The following SND1 variants were observed in gnomAD, a reference collection of about 807,000 sequenced individuals.
The protein encoded by SND1 is staphylococcal nuclease domain-containing protein 1.
SND1 carries 38 observed loss-of-function variants against 121.7 expected under a neutral mutation model. The ratio of observed to expected loss-of-function variants is 0.31; its 90% confidence interval spans 0.24 to 0.41. The LOEUF is 0.41. Ranked by LOEUF, SND1 falls within the 10% of genes least tolerant of loss-of-function variation. The pLI, the probability that SND1 is intolerant of heterozygous loss-of-function variation, is 1.00. For synonymous variants in SND1, 401 were observed against 447.4 expected, an observed-to-expected ratio of 0.90 and a Z score of 1.31; for missense variants, 868 against 1,184.6, an observed-to-expected ratio of 0.73 and a Z score of 3.92.
chr7:127,881,637 G>A (rs1393406307), intron 12 of SND1, among the ~76,000 whole-genome samples: 1 of 152,150 alleles, frequency 6.6e-6, no homozygotes, highest in Admixed American at 6.5e-5. Flanking sequence ...ACAGGCAAAT[G>A]CAAAACACAC....
At chr7:127,915,773 G>T (rs1036352126) in intron 14 of SND1, among the ~76,000 whole-genome samples, 3 of 152,228 alleles carry the variant, frequency 2.0e-5, no homozygotes, top group Admixed American at 2.0e-4. Flanking sequence ...AGAAGATCTT[G>T]TTCAGGGCCA....
At chr7:127,984,222 A>G (rs1802331873) in intron 15 of SND1, among the ~76,000 whole-genome samples, 1 of 152,218 alleles carries the variant, frequency 6.6e-6, no homozygotes. Context: ...GTCAGAAGCT[A>G]AACATTTCTG....
intron 16 of SND1, among the ~76,000 whole-genome samples, chr7:128,020,178 T>C (rs1803313345): frequency 6.6e-6 from 1 of 152,250 alleles, no homozygotes; most frequent in Non-Finnish European, 1.5e-5. Flanking sequence ...GAAAGTTGCC[T>C]GATTTCTCAG....
At chr7:127,785,457 G>C (rs1344268710) in intron 10 of SND1, among the ~76,000 whole-genome samples, 1 of 152,190 alleles carries the variant, frequency 6.6e-6, no homozygotes, top group Non-Finnish European at 1.5e-5. Context: ...GAGTTTATTA[G>C]TGGTGAGATG....
chr7:127,896,596 GCCCTTTCATGGAA>G (rs151310328), intron 13 of SND1, among the ~76,000 whole-genome samples: 3,471 of 152,242 alleles, frequency 0.023, 140 homozygotes, highest in African/African-American at 0.079. Context: ...CAAAGTGTAT[GCCCTTTCATGGAA>G]GATTGATCAT....
chr7:127,835,312 T>C (rs1364795193), intron 11 of SND1, among the ~76,000 whole-genome samples: 1 of 152,150 alleles, frequency 6.6e-6, no homozygotes, highest in East Asian at 1.9e-4. Flanking sequence ...CCATGTAAAA[T>C]TTGTGCTGCT....
Position 127,994,577 on chromosome 7 carries a change from A to G in SND1, c.1779+3521A>G, listed in dbSNP as rs986936354. On this transcript the variant is annotated intron_variant, in intron 16 of 23. Coordinates refer to ENST00000354725, the MANE Select transcript of SND1 (RefSeq NM_014390.4). ...AAAAAAAAAAAAAAAAAAAAAAAAA[A>G]AAAAAAAACAGTAAATTCAGTCTTT... Among the ~76,000 whole-genome samples, 115 of 141,394 alleles carry G rather than the reference A, an allele frequency of 8.1e-4. 1 individual carries two copies. Among genetic ancestry groups the G allele is most frequent in the Middle Eastern group, 3.6e-3 (1 of 278 alleles). The allele number at this position is 141,394 out of a possible 152,430, so 92.8% of individuals were successfully genotyped here.
intron 14 of SND1, among the ~76,000 whole-genome samples, chr7:127,921,140 A>T (rs1027484594): frequency 2.0e-5 from 3 of 152,198 alleles, no homozygotes; most frequent in Admixed American, 1.3e-4. Context: ...CAAGGTAGAA[A>T]AGAAATGTCA....
intron 12 of SND1, among the ~76,000 whole-genome samples, chr7:127,868,556 C>T (rs1196967211): frequency 6.6e-5 from 10 of 152,208 alleles, no homozygotes; most frequent in East Asian, 1.9e-4. Context: ...GGCTAAGGTC[C>T]GAAACACAGA....
At chr7:128,038,567 T>A (rs1418587665) in intron 16 of SND1, among the ~76,000 whole-genome samples, 1 of 152,228 alleles carries the variant, frequency 6.6e-6, no homozygotes, top group Non-Finnish European at 1.5e-5. Flanking sequence ...AGTCAGTTAC[T>A]GAGGGGATTC....
At chr7:127,726,232 G>C (rs989754083) in intron 10 of SND1, among the ~76,000 whole-genome samples, 1 of 152,158 alleles carries the variant, frequency 6.6e-6, no homozygotes, top group Non-Finnish European at 1.5e-5. Flanking sequence ...GTTGGAGCTT[G>C]GTTTGTTCCT....
intron 15 of SND1, among the ~76,000 whole-genome samples, chr7:127,945,536 T>C (rs1801311696): frequency 1.3e-5 from 2 of 151,992 alleles, no homozygotes; most frequent in Admixed American, 6.6e-5. Context: ...ACCCTACAGT[T>C]TCCATAGAGA....
chr7:127,755,550 A>G (rs1319972887), intron 10 of SND1, among the ~76,000 whole-genome samples: 1 of 152,248 alleles, frequency 6.6e-6, no homozygotes, highest in African/African-American at 2.4e-5. Context: ...AATTCTGCTG[A>G]TGCTGGGCAG....
At chr7:127,857,727 T>A (rs1031514594) in intron 12 of SND1, 2 of 606,140 alleles carry the variant, frequency 3.3e-6, no homozygotes, top group African/African-American at 3.7e-5. Context: ...CTAAAGGCTT[T>A]TATTGGGAAA....
At chr7:128,089,344 G>A (rs1367549368) in intron 21 of SND1, 145 bp from the exon 22 acceptor site, 15 of 721,590 alleles carry the variant, frequency 2.1e-5, no homozygotes, top group African/African-American at 1.6e-4. Flanking sequence ...ATGAGCCACC[G>A]TGCCTGGCCA....
intron 4 of SND1, among the ~76,000 whole-genome samples, chr7:127,700,058 A>G (rs548139338): frequency 1.5e-4 from 23 of 152,300 alleles, no homozygotes; most frequent in African/African-American, 5.5e-4. Flanking sequence ...GACGTATGCC[A>G]AATTTGTATC....
At chr7:127,926,549 CTTTTTTTTTTTTTT>C (rs71160605) in intron 14 of SND1, among the ~76,000 whole-genome samples, 1 of 90,558 alleles carries the variant, frequency 1.1e-5, no homozygotes, top group Non-Finnish European at 2.0e-5. Context: ...TTTTCTTTTT[CTTTTTTTTTTTTTT>C]TTTTTTTTTG....
At chr7:127,718,737 G>A (rs1321632847) in intron 9 of SND1, 11 of 985,388 alleles carry the variant, frequency 1.1e-5, no homozygotes, top group African/African-American at 1.7e-5. Flanking sequence ...AGATCTTCAT[G>A]TTCTGTAATC....
At chr7:127,752,077 G>A (rs1305437880) in intron 10 of SND1, among the ~76,000 whole-genome samples, 7 of 152,240 alleles carry the variant, frequency 4.6e-5, no homozygotes, top group Admixed American at 3.9e-4. Context: ...CATGTTGTTA[G>A]ATGTAGCATT....
Sources: allele counts gnomAD v4.1 joint callset (sites outside exome capture counted in the v4.1 genomes callset), GRCh38; gene constraint gnomAD v4.1.1; transcripts MANE v1.5; gene names NCBI Gene and HGNC (gene_info 2026-07-23, HGNC 2026-07-21).